The following TRDN variants were observed in gnomAD, a reference collection of about 807,000 sequenced individuals.
TRDN encodes triadin in skeletal muscle.
A neutral mutation model predicts 149.7 loss-of-function variants in TRDN; 161 were observed. That is an observed-to-expected ratio of 1.08 (90% CI 0.95 to 1.23). TRDN has a LOEUF of 1.23. Ranked by LOEUF, TRDN falls within the 50% of genes most tolerant of loss-of-function variation. The pLI is 0.00. For missense variants in TRDN, 896 were observed against 823.5 expected (o/e 1.09, Z -1.08); for synonymous variants, 294 against 250.5 (o/e 1.17, Z -1.64).
At chr6:123,314,618 A>G (rs377133883) in intron 24 of TRDN, among the ~76,000 whole-genome samples, 429 of 152,206 alleles carry the variant, frequency 2.8e-3, no homozygotes, top group African/African-American at 9.7e-3. Flanking sequence ...GATAGACTGG[A>G]TAAATAAAAT....
chr6:123,529,071 AT>A, intron 5 of TRDN: 1 of 1,432,576 alleles, frequency 7.0e-7, no homozygotes, highest in Non-Finnish European at 9.1e-7. Context: ...CAGAATTCTA[AT>A]ATAGCCAGGT....
At chr6:123,535,756 A>T (rs1383062305) in intron 4 of TRDN, among the ~76,000 whole-genome samples, 1 of 152,180 alleles carries the variant, frequency 6.6e-6, no homozygotes, top group East Asian at 1.9e-4. Flanking sequence ...TTTTTAGATT[A>T]TTCTTTATTT....
chr6:123,326,923 T>C (rs888487367), intron 23 of TRDN, among the ~76,000 whole-genome samples: 14 of 152,120 alleles, frequency 9.2e-5, no homozygotes, highest in African/African-American at 3.4e-4. Flanking sequence ...TATATTTTTC[T>C]AATGTGTGGC....
chr6:123,622,695 T>G (rs1241397740), intron 1 of TRDN, among the ~76,000 whole-genome samples: 1 of 152,174 alleles, frequency 6.6e-6, no homozygotes, highest in Non-Finnish European at 1.5e-5. Flanking sequence ...CACAGTGTCC[T>G]AATTCTTTTT....
At chr6:123,497,402 A>T in intron 8 of TRDN, 150 bp from the exon 9 acceptor site, 1 of 506,496 alleles carries the variant, frequency 2.0e-6, no homozygotes, top group Non-Finnish European at 3.4e-6. Context: ...TTGCACTTAT[A>T]TGAAAATACA....
chr6:123,615,105 A>T (rs2114692075), intron 1 of TRDN, among the ~76,000 whole-genome samples: 1 of 152,328 alleles, frequency 6.6e-6, no homozygotes, highest in Non-Finnish European at 1.5e-5. Context: ...ATAATGAGAT[A>T]TCTCACTCCA....
intron 22 of TRDN, among the ~76,000 whole-genome samples, chr6:123,336,271 T>C (rs189794905): frequency 1.3e-5 from 2 of 152,176 alleles, no homozygotes; most frequent in East Asian, 3.9e-4. Context: ...GACTCTTACC[T>C]TTCCCTATTA....
intron 18 of TRDN, 71 bp downstream of exon 18, chr6:123,377,645 T>G: frequency 6.4e-7 from 1 of 1,571,956 alleles, no homozygotes; most frequent in Non-Finnish European, 8.7e-7. Context: ...CCTTACCACC[T>G]GTTTGAGGCT....
Position 123,352,492 on chromosome 6 carries a change from T to C in TRDN, c.1369+47A>G, listed in dbSNP as rs369479358. ...ATCCAGTGCTTTCCTCCGCATGTTG[T>C]TGTCTTTCTAAAGAAGATAATGTCA... is the stretch of plus-strand genomic sequence containing the variant. On this transcript the variant is annotated intron_variant, in intron 21 of 40. Coordinates refer to ENST00000334268, the MANE Select transcript of TRDN (RefSeq NM_006073.4). 12 of 1,604,994 alleles carry C rather than the reference T, an allele frequency of 7.5e-6. No individual in the cohort carries two copies. The African/African-American group carries it at 1.3e-4, about 18-fold the overall frequency.
chr6:123,305,113 A>G (rs1778560201), intron 24 of TRDN, among the ~76,000 whole-genome samples: 1 of 152,184 alleles, frequency 6.6e-6, no homozygotes, highest in Admixed American at 6.6e-5. Flanking sequence ...CCAAGGTGCC[A>G]AGGCTTCAAT....
intron 10 of TRDN, among the ~76,000 whole-genome samples, chr6:123,443,539 T>A (rs1232571164): frequency 6.6e-6 from 1 of 152,050 alleles, no homozygotes; most frequent in Non-Finnish European, 1.5e-5. Flanking sequence ...ACACCTGTAA[T>A]CTCAGCACTT....
intron 38 of TRDN, among the ~76,000 whole-genome samples, chr6:123,230,592 G>T (rs1775563185): frequency 6.6e-6 from 1 of 151,406 alleles, no homozygotes. Context: ...TCTAAATTTG[G>T]ATAATTGGAA....
chr6:123,257,816 G>A (rs898617130), intron 35 of TRDN, among the ~76,000 whole-genome samples: 4 of 152,156 alleles, frequency 2.6e-5, no homozygotes, highest in Non-Finnish European at 5.9e-5. Flanking sequence ...TCCTTGAGCA[G>A]TGGTTTGTAG....
At chr6:123,310,937 C>T (rs529816018) in intron 24 of TRDN, among the ~76,000 whole-genome samples, 124 of 151,972 alleles carry the variant, frequency 8.2e-4, no homozygotes, top group African/African-American at 2.7e-3. Flanking sequence ...GGGTTTATGA[C>T]CAGGACTGAC....
chr6:123,273,430 A>T, intron 27 of TRDN, 67 bp from the exon 28 acceptor site: 1 of 756,722 alleles, frequency 1.3e-6, no homozygotes. Flanking sequence ...AATAACAAAT[A>T]CAACTGGTTA....
intron 7 of TRDN, among the ~76,000 whole-genome samples, chr6:123,508,359 C>T (rs963274255): frequency 2.0e-5 from 3 of 152,056 alleles, no homozygotes; most frequent in African/African-American, 4.8e-5. Context: ...AAAGATGATA[C>T]AAAAACTGTA....
At chr6:123,283,654 C>A (rs1777684545) in intron 24 of TRDN, among the ~76,000 whole-genome samples, 1 of 151,322 alleles carries the variant, frequency 6.6e-6, no homozygotes, top group Non-Finnish European at 1.5e-5. Context: ...GAAGATTATT[C>A]AAGGCTACTA....
chr6:123,220,895 T>C (rs1241324904), intron 40 of TRDN, among the ~76,000 whole-genome samples: 1 of 151,846 alleles, frequency 6.6e-6, no homozygotes, highest in Non-Finnish European at 1.5e-5. Flanking sequence ...TTAAAATTTA[T>C]TGCTTTACCA....
intron 1 of TRDN, among the ~76,000 whole-genome samples, chr6:123,615,419 T>C (rs1200613646): frequency 2.0e-5 from 3 of 152,094 alleles, no homozygotes; most frequent in African/African-American, 7.2e-5. Context: ...CACAGATGAA[T>C]GAAGAAAGCA....
Sources: allele counts gnomAD v4.1 joint callset (sites outside exome capture counted in the v4.1 genomes callset), GRCh38; gene constraint gnomAD v4.1.1; transcripts MANE v1.5; gene names NCBI Gene and HGNC (gene_info 2026-07-23, HGNC 2026-07-21).